Variants in TMEM178B observed in about 807,000 individuals in gnomAD.
TMEM178B encodes the protein transmembrane protein 178B.
TMEM178B carries 5 observed loss-of-function variants against 31.0 expected under a neutral mutation model. The ratio of observed to expected loss-of-function variants is 0.16; its 90% CI spans 0.08 to 0.34. The LOEUF (loss-of-function observed/expected upper bound fraction) is 0.34, where lower values mean the gene tolerates loss of function less well. Ranked by LOEUF, TMEM178B falls within the 10% of genes least tolerant of loss-of-function variation. The probability of loss-of-function intolerance (pLI) is 1.00; values close to 1 mark genes in which losing one functional copy is unlikely to be tolerated. For synonymous variants in TMEM178B, 164 were observed against 164.0 expected (o/e 1.00, Z 0.00); for missense variants, 275 against 400.3 (o/e 0.69, Z 2.67).
chr7:141,105,129 G>C lies in TMEM178B; in HGVS notation c.382+30437G>C, dbSNP rs377027777. On this transcript the variant is annotated intron_variant, in intron 1 of 3. Transcript: ENST00000565468. ...GAGAGGAAAGAGGGGCAAAGAGCAGGGGTCACTGTGGGAAAAAGGAAGGGC... is the reference window on the plus strand; with the variant it reads ...GAGAGGAAAGAGGGGCAAAGAGCAGCGGTCACTGTGGGAAAAAGGAAGGGC... Among the ~76,000 whole-genome samples, 8 of 152,234 alleles carry C rather than the reference G, an allele frequency of 5.3e-5. No homozygotes were observed. The South Asian group carries it at 8.3e-4, about 16-fold the overall frequency.
At chr7:141,253,544 CTTTTTT>C (rs34199017) in intron 2 of TMEM178B, among the ~76,000 whole-genome samples, 1 of 70,042 alleles carries the variant, frequency 1.4e-5, no homozygotes, top group African/African-American at 5.5e-5. Context: ...ATTTTCCCTT[CTTTTTT>C]TTTTTTTTTT....
intron 1 of TMEM178B, among the ~76,000 whole-genome samples, chr7:141,102,699 C>T (rs934257199): frequency 2.0e-5 from 3 of 152,192 alleles, no homozygotes; most frequent in African/African-American, 7.2e-5. Context: ...CACACTTTGT[C>T]GATCTAGAGG....
intron 2 of TMEM178B, among the ~76,000 whole-genome samples, chr7:141,278,050 G>A (rs1344566042): frequency 6.6e-6 from 1 of 152,192 alleles, no homozygotes; most frequent in Non-Finnish European, 1.5e-5. Flanking sequence ...AAATGTTAGA[G>A]AATTCTTCTT....
chr7:141,387,721 T>G (rs912799256), intron 2 of TMEM178B, among the ~76,000 whole-genome samples: 2 of 152,216 alleles, frequency 1.3e-5, no homozygotes, highest in African/African-American at 4.8e-5. Context: ...TCTGCCCACC[T>G]GCCCACCTCC....
At chr7:141,339,428 A>G (rs1799479563) in intron 2 of TMEM178B, among the ~76,000 whole-genome samples, 1 of 152,204 alleles carries the variant, frequency 6.6e-6, no homozygotes, top group Non-Finnish European at 1.5e-5. Context: ...CAGGAAACCA[A>G]CTGTCCCAGC....
At chr7:141,219,949 G>A (rs1797228042) in intron 2 of TMEM178B, among the ~76,000 whole-genome samples, 1 of 152,110 alleles carries the variant, frequency 6.6e-6, no homozygotes, top group Non-Finnish European at 1.5e-5. Context: ...TCCCTGGATA[G>A]CATTTTTATT....
chr7:141,202,698 C>A (rs145351887), intron 1 of TMEM178B, among the ~76,000 whole-genome samples: 3 of 152,340 alleles, frequency 2.0e-5, no homozygotes, highest in African/African-American at 7.2e-5. Flanking sequence ...GGACTCAGAA[C>A]ATCTGGGAGG....
the TMEM178B span, among the ~76,000 whole-genome samples, chr7:141,490,571 C>T: frequency 6.6e-6 from 1 of 152,204 alleles, no homozygotes; most frequent in Non-Finnish European, 1.5e-5. Flanking sequence ...TGAGACAATA[C>T]ATTTCTGTTG....
the TMEM178B span, among the ~76,000 whole-genome samples, chr7:141,491,939 G>A: frequency 3.3e-5 from 5 of 152,058 alleles, no homozygotes; most frequent in Admixed American, 2.6e-4. Context: ...CTCCCATTCA[G>A]TCTGTGCCCA....
chr7:141,304,222 C>G (rs59432351), intron 2 of TMEM178B, among the ~76,000 whole-genome samples: 80,716 of 151,942 alleles, frequency 0.53, 22,133 homozygotes, highest in East Asian at 0.76. Context: ...ATCTTCCCAC[C>G]TGAAAGATCT....
At chr7:141,353,386 A>C (rs768638040) in intron 2 of TMEM178B, among the ~76,000 whole-genome samples, 1 of 152,194 alleles carries the variant, frequency 6.6e-6, no homozygotes, top group South Asian at 2.1e-4. Flanking sequence ...CCGTCTCTCC[A>C]GGCTTATCTC....
chr7:141,446,107 C>T (rs189637545), intron 3 of TMEM178B, among the ~76,000 whole-genome samples: 7 of 152,258 alleles, frequency 4.6e-5, no homozygotes, highest in Non-Finnish European at 8.8e-5. Context: ...AAATAACATC[C>T]GGGTTTACCT....
At chr7:141,214,655 C>T (rs1313354092) in intron 2 of TMEM178B, among the ~76,000 whole-genome samples, 3 of 152,144 alleles carry the variant, frequency 2.0e-5, no homozygotes, top group Admixed American at 1.3e-4. Context: ...TCGCTGGAAA[C>T]ATGTCACGAG....
Position 141,422,766 on chromosome 7 carries a change from A to G in TMEM178B, c.497-14842A>G, listed in dbSNP as rs949269246. Among the ~76,000 whole-genome samples, 2 of 152,108 alleles carry G rather than the reference A, an allele frequency of 1.3e-5. No homozygotes were observed. Among genetic ancestry groups the G allele is most frequent in the African/African-American group, 4.8e-5 (2 of 41,412 alleles). On this transcript the variant is annotated intron_variant, in intron 2 of 3. Coordinates refer to ENST00000565468, the MANE Select transcript of TMEM178B (RefSeq NM_001195278.2). This position sits in a 1 kb window ranked among gnomAD's most constrained non-coding sequence, Gnocchi z 4.2. ...CAGTGGCTGGAGTGGGGAAGCTCCC[A>G]TGGGGAGAGAATAGAAATGCAAGAA...
At chr7:141,194,544 C>T (rs541556912) in intron 1 of TMEM178B, among the ~76,000 whole-genome samples, 6 of 152,260 alleles carry the variant, frequency 3.9e-5, no homozygotes, top group East Asian at 3.9e-4. Context: ...TGGGAAGCTC[C>T]GCCCCTGTGG....
intron 2 of TMEM178B, among the ~76,000 whole-genome samples, chr7:141,240,638 G>T (rs755606677): frequency 6.6e-6 from 1 of 152,204 alleles, no homozygotes; most frequent in Non-Finnish European, 1.5e-5. Context: ...TTTTAATACC[G>T]AAGAGAACAG....
intron 3 of TMEM178B, among the ~76,000 whole-genome samples, chr7:141,451,856 GTC>G (rs1388049698): frequency 1.3e-5 from 2 of 152,094 alleles, no homozygotes; most frequent in African/African-American, 4.8e-5. Flanking sequence ...ATCTCTTGGA[GTC>G]TCTGTTCCCG....
chr7:141,093,510 C>T (rs1490763095), intron 1 of TMEM178B, among the ~76,000 whole-genome samples: 1 of 152,152 alleles, frequency 6.6e-6, no homozygotes, highest in Non-Finnish European at 1.5e-5. Context: ...GGAGAAGTCT[C>T]ACTGGGGATG....
intron 1 of TMEM178B, among the ~76,000 whole-genome samples, chr7:141,081,105 A>G (rs909761690): frequency 2.0e-5 from 3 of 152,118 alleles, no homozygotes; most frequent in African/African-American, 7.2e-5. Flanking sequence ...GTCCTTCAGG[A>G]GGTATTCCAG....
Sources: allele counts gnomAD v4.1 joint callset (sites outside exome capture counted in the v4.1 genomes callset), GRCh38; gene constraint gnomAD v4.1.1; non-coding constraint Gnocchi (gnomAD v3.1); transcripts MANE v1.5; gene names NCBI Gene and HGNC (gene_info 2026-07-23, HGNC 2026-07-21).